Variants in CYP19A1 observed in about 807,000 individuals in gnomAD.
CYP19A1 encodes aromatase.
Under a neutral mutation model 44.4 loss-of-function variants are expected in CYP19A1, and 32 were observed. That is an observed-to-expected ratio of 0.72 (90% CI 0.54 to 0.97). CYP19A1 has a LOEUF of 0.97. Ranked by LOEUF, CYP19A1 falls within the 50% of genes least tolerant of loss-of-function variation. CYP19A1 has a pLI of 0.00. For missense variants in CYP19A1, 598 were observed against 637.8 expected, an observed-to-expected ratio of 0.94 and a Z score of 0.67; for synonymous variants, 212 against 215.6, an observed-to-expected ratio of 0.98 and a Z score of 0.14.
intron 2 of CYP19A1, among the ~76,000 whole-genome samples, chr15:51,241,569 C>T (rs2033769884): frequency 6.6e-6 from 1 of 152,112 alleles, no homozygotes; most frequent in South Asian, 2.1e-4. Flanking sequence ...CACCCCACCC[C>T]GACCATTCAC....
At chr15:51,262,950 TA>T (rs1014250617) in intron 1 of CYP19A1, among the ~76,000 whole-genome samples, 5 of 152,112 alleles carry the variant, frequency 3.3e-5, no homozygotes, top group Non-Finnish European at 7.4e-5. Flanking sequence ...ATCACCCAAA[TA>T]AGTACTTAAT....
chr15:51,235,041 T>C (rs1214532926), intron 3 of CYP19A1, among the ~76,000 whole-genome samples: 1 of 151,958 alleles, frequency 6.6e-6, no homozygotes, highest in African/African-American at 2.4e-5. Context: ...TGCGGGGAAA[T>C]GAAAGAGCAG....
intron 1 of CYP19A1, among the ~76,000 whole-genome samples, chr15:51,254,298 G>A (rs547538050): frequency 1.3e-5 from 2 of 152,198 alleles, no homozygotes; most frequent in African/African-American, 4.8e-5. Flanking sequence ...TCTCATAGTC[G>A]ACAAGAACTA....
intron 1 of CYP19A1, among the ~76,000 whole-genome samples, chr15:51,261,248 G>C (rs1445721085): frequency 2.0e-5 from 3 of 152,134 alleles, no homozygotes; most frequent in African/African-American, 7.2e-5. Context: ...CTTGGAATCT[G>C]TGAGGCCAAG....
chr15:51,217,722 G>C (rs2031710699), intron 6 of CYP19A1, among the ~76,000 whole-genome samples: 1 of 152,146 alleles, frequency 6.6e-6, no homozygotes, highest in Non-Finnish European at 1.5e-5. Context: ...TATGTGCCAT[G>C]CTCTATGCTA....
chr15:51,324,599 A>G lies in CYP19A1; in HGVS notation c.-39+13896T>C, dbSNP rs561582409. On this transcript the variant is annotated intron_variant, in intron 1 of 9. Transcript: ENST00000396402. The stretch of plus-strand genomic sequence containing the variant: ...ATGAAATGGCAATAAAATAATATAA[A>G]CTAAAACATAATTATTAGCCAAAAA... Among the ~76,000 whole-genome samples the G allele has an allele frequency of 3.9e-5, 6 of 152,400 alleles. No individual in the cohort carries two copies. In the South Asian group the frequency reaches 6.2e-4, roughly 16 times the overall value.
intron 3 of CYP19A1, among the ~76,000 whole-genome samples, chr15:51,234,536 C>T (rs1595700339): frequency 6.6e-6 from 1 of 152,130 alleles, no homozygotes; most frequent in Admixed American, 6.5e-5. Flanking sequence ...AATCTAGCAT[C>T]GAAATATCTA....
chr15:51,243,099 C>T lies in CYP19A1; in HGVS notation c.-38-149G>A, dbSNP rs1211814254. 3 of 628,936 alleles carry T rather than the reference C, an allele frequency of 4.8e-6. No homozygotes were observed. In the East Asian group the frequency reaches 8.5e-5, roughly 18 times the overall value. The allele number at this position is 628,936 out of a possible 1,614,324, so 39.0% of individuals were successfully genotyped here. A position where few individuals can be genotyped will look rare whatever the true frequency, so the allele number is the denominator to read the frequency against. On this transcript the variant is annotated intron_variant, in intron 1 of 9. Coordinates refer to ENST00000396402, the MANE Select transcript of CYP19A1 (RefSeq NM_000103.4). ...TTTAGGCAAGACTAATTTATGGTTA[C>T]AAGTCAAAACAAGGAAGCCCAAGAA...
rs748633928 is a variant in CYP19A1 at position 51,212,536 on chromosome 15, A to G, written c.1047T>C (p.Asp349=). Residue 349 remains aspartate (D), a synonymous_variant, in exon 9 of 10, where the codon GAT becomes GAC. Transcript: ENST00000396402. ...VIGERDIKID[D]IQKLKVMENF... ...TTTCCATCACTTTTAATTTTTGTAT[A>G]TCATCAATCTTTATGTCTCTCTCAC... 6.0e-6 allele frequency: 9 copies of G among 1,500,038 alleles called. No individual in the cohort carries two copies. The Middle Eastern group carries it at 5.1e-4, about 85-fold the overall frequency. The allele number at this position is 1,500,038 out of a possible 1,614,324, so 92.9% of individuals were successfully genotyped here. A position where few individuals can be genotyped will look rare whatever the true frequency, so the allele number is the denominator to read the frequency against.
intron 1 of CYP19A1, among the ~76,000 whole-genome samples, chr15:51,258,639 T>G (rs1044504568): frequency 1.2e-4 from 18 of 144,686 alleles, no homozygotes; most frequent in African/African-American, 4.7e-4. Flanking sequence ...TCCAGGCCCC[T>G]GCTCCACATT....
intron 1 of CYP19A1, among the ~76,000 whole-genome samples, chr15:51,276,344 C>T (rs943423237): frequency 1.3e-5 from 2 of 152,166 alleles, no homozygotes; most frequent in African/African-American, 4.8e-5. Context: ...ATAGATAAAA[C>T]TCAGAACACA....
At chr15:51,242,990 TA>T (rs2033869183) in intron 1 of CYP19A1, 40 bp from the exon 2 acceptor site, 4 of 1,017,502 alleles carry the variant, frequency 3.9e-6, no homozygotes, top group Non-Finnish European at 6.3e-6. Flanking sequence ...CAGAATCCCC[TA>T]AAAGGTTCAT....
intron 1 of CYP19A1, chr15:51,313,255 G>T (rs1265928872): frequency 6.6e-6 from 1 of 152,202 alleles, no homozygotes; most frequent in African/African-American, 2.4e-5. Flanking sequence ...TCTCTTCTTT[G>T]TTTTATTCTC....
At position 51,219,382 on chromosome 15, in the gene CYP19A1, G is replaced by A. The variant is rs28584715; in HGVS notation, c.629-727C>T. ...TATACCAGATAATATACAAAAGAGAGAACAGACATATATTTCCAACTGCTA... is the reference window on the plus strand; with the variant it reads ...TATACCAGATAATATACAAAAGAGAAAACAGACATATATTTCCAACTGCTA... On this transcript the variant is annotated intron_variant, in intron 5 of 9. Transcript: ENST00000396402. Among the ~76,000 whole-genome samples, 1,442 of 152,280 alleles carry A rather than the reference G, an allele frequency of 9.5e-3. 34 individuals carry two copies. The highest frequency in any genetic ancestry group is 0.033 in the African/African-American group (1,387 of 41,552).
At chr15:51,336,996 C>T (rs567237887) in intron 1 of CYP19A1, among the ~76,000 whole-genome samples, 1 of 152,060 alleles carries the variant, frequency 6.6e-6, no homozygotes, top group African/African-American at 2.4e-5. Flanking sequence ...ATATCTGCCT[C>T]TCAAGAAATC....
At position 51,255,251 on chromosome 15, in the gene CYP19A1, G is replaced by T. The variant is rs542743090; in HGVS notation, c.-38-12301C>A. Among the ~76,000 whole-genome samples, 4 of 152,312 alleles carry T rather than the reference G, an allele frequency of 2.6e-5. No individual in the cohort carries two copies. In the South Asian group the frequency reaches 6.2e-4, roughly 24 times the overall value. The stretch of plus-strand genomic sequence containing the variant: ...CAGTAATTGGGGGCAAACGCTATTT[G>T]TTCTAAGGGTCTCTGGAACAGCTGA... On this transcript the variant is annotated intron_variant, in intron 1 of 9. Transcript: ENST00000396402.
intron 9 of CYP19A1, chr15:51,211,665 A>T: frequency 2.2e-6 from 1 of 447,000 alleles, no homozygotes; most frequent in South Asian, 1.6e-5. Context: ...ATTATTTAGC[A>T]TCATGTTTCT....
At chr15:51,310,671 CT>C (rs2036294917) in intron 1 of CYP19A1, among the ~76,000 whole-genome samples, 1 of 152,142 alleles carries the variant, frequency 6.6e-6, no homozygotes, top group Non-Finnish European at 1.5e-5. Context: ...CTTTTTTCCC[CT>C]TGCACTTTGC....
At chr15:51,282,985 A>T (rs1398591978) in intron 1 of CYP19A1, among the ~76,000 whole-genome samples, 1 of 152,184 alleles carries the variant, frequency 6.6e-6, no homozygotes. Context: ...GGAACAAGGG[A>T]CTATGGAGTT....
Sources: gnomAD v4.1 joint callset for allele counts (sites outside exome capture counted in the v4.1 genomes callset) on GRCh38, gnomAD v4.1.1 for gene constraint, MANE v1.5 for transcripts, NCBI Gene and HGNC (gene_info 2026-07-23, HGNC 2026-07-21) for gene names.